The following SIK3 variants were observed in gnomAD, a reference collection of about 807,000 sequenced individuals.
SIK3 encodes SIK family kinase 3.
SIK3 carries 28 observed loss-of-function variants against 144.2 expected under a neutral mutation model. That is an observed-to-expected ratio of 0.19 (90% confidence interval 0.14 to 0.27). The LOEUF is 0.27. SIK3 is among the 10% of genes least tolerant of loss of function. SIK3 has a pLI of 1.00. For synonymous variants in SIK3, 686 were observed against 676.3 expected (o/e 1.01, Z -0.22); for missense variants, 1,319 against 1,776.0 (o/e 0.74, Z 4.62).
chr11:117,004,294 C>T (rs1370370083), intron 1 of SIK3, among the ~76,000 whole-genome samples: 1 of 152,108 alleles, frequency 6.6e-6, no homozygotes, highest in East Asian at 1.9e-4. Flanking sequence ...GTGGGCAGAT[C>T]GCTTGAGCCC....
At chr11:116,937,456 CAGT>C (rs1947979674) in intron 3 of SIK3, among the ~76,000 whole-genome samples, 1 of 152,132 alleles carries the variant, frequency 6.6e-6, no homozygotes, top group African/African-American at 2.4e-5. Flanking sequence ...TGTAAAAAAT[CAGT>C]AGATTACGGT....
intron 3 of SIK3, among the ~76,000 whole-genome samples, chr11:116,945,271 G>C (rs968154891): frequency 6.6e-6 from 1 of 151,622 alleles, no homozygotes. Flanking sequence ...GACAGTGGCT[G>C]TCGTGTTGGG....
intron 1 of SIK3, among the ~76,000 whole-genome samples, chr11:116,979,948 T>C (rs1441504265): frequency 6.6e-6 from 1 of 152,192 alleles, no homozygotes; most frequent in Non-Finnish European, 1.5e-5. Flanking sequence ...TGTTATCGTC[T>C]CATTCTCTAT....
rs1941814987 is a variant in SIK3 at position 116,844,669 on chromosome 11, CA to C, written c.*973del. The C allele has an allele frequency of 1.0e-5, 1 of 97,564 alleles. No individual in the cohort carries two copies. The highest frequency in any genetic ancestry group is 2.0e-5 in the Non-Finnish European group (1 of 50,232). The allele number at this position is 97,564 out of a possible 1,614,324, so 6.0% of individuals were successfully genotyped here. On this transcript the variant is annotated 3_prime_UTR_variant, in exon 25 of 25. Transcript: ENST00000445177. ...ATATTATATATATAATATATATATA[CA>C]CATATATTATATTATATATATACAC...
At chr11:117,083,540 G>A (rs1954878677) in intron 1 of SIK3, among the ~76,000 whole-genome samples, 1 of 152,038 alleles carries the variant, frequency 6.6e-6, no homozygotes, top group African/African-American at 2.4e-5. Flanking sequence ...AGTAAGCCAA[G>A]AACATACAAT....
chr11:116,926,814 A>G (rs578007981), intron 4 of SIK3, among the ~76,000 whole-genome samples: 4 of 152,286 alleles, frequency 2.6e-5, no homozygotes, highest in African/African-American at 7.2e-5. Context: ...TGAGGTCAGG[A>G]GTTCAAGACC....
intron 3 of SIK3, among the ~76,000 whole-genome samples, chr11:116,950,586 A>C (rs765270716): frequency 6.6e-6 from 1 of 152,186 alleles, no homozygotes; most frequent in Non-Finnish European, 1.5e-5. Flanking sequence ...TTAATTTTCT[A>C]TTGTTCTGTT....
At chr11:116,984,523 T>C (rs1041689597) in intron 1 of SIK3, among the ~76,000 whole-genome samples, 2 of 152,210 alleles carry the variant, frequency 1.3e-5, no homozygotes, top group Admixed American at 1.3e-4. Context: ...GAATTTGCTA[T>C]GAATAAACTC....
chr11:116,991,411 C>T (rs73594124), intron 1 of SIK3, among the ~76,000 whole-genome samples: 3,037 of 152,262 alleles, frequency 0.02, 108 homozygotes, highest in African/African-American at 0.069. Context: ...CATGCCACTG[C>T]GCTCCAGTAT....
intron 21 of SIK3, among the ~76,000 whole-genome samples, chr11:116,856,364 G>A (rs533983531): frequency 6.6e-6 from 1 of 152,246 alleles, no homozygotes; most frequent in Admixed American, 6.5e-5. Context: ...GCCTGTTCTG[G>A]AGAGTTCTTA....
intron 1 of SIK3, among the ~76,000 whole-genome samples, chr11:117,031,454 T>C (rs1252098858): frequency 6.6e-6 from 1 of 151,344 alleles, no homozygotes; most frequent in South Asian, 2.1e-4. Context: ...TGCTTCTGCA[T>C]CTTTATCAAA....
intron 4 of SIK3, among the ~76,000 whole-genome samples, chr11:116,926,993 C>G (rs907218679): frequency 5.4e-5 from 8 of 149,336 alleles, no homozygotes; most frequent in Admixed American, 2.0e-4. Context: ...TGCACTCCAG[C>G]CTGGGCGACA....
chr11:117,066,033 C>T lies in SIK3; in HGVS notation c.273+32110G>A, dbSNP rs139361543. 1.7e-3 allele frequency among the ~76,000 whole-genome samples: 253 copies of T among 151,680 alleles called. 2 individuals are homozygous for T. Among genetic ancestry groups the T allele is most frequent in the African/African-American group, 5.7e-3 (235 of 41,360 alleles). ...TCCTGGTGTCTTATGCCAAGGAATC[C>T]GGTCTTCACTAGAATACTTTATTTT... On this transcript the variant is annotated intron_variant, in intron 1 of 24. Coordinates refer to ENST00000445177, the MANE Select transcript of SIK3 (RefSeq NM_001366686.3).
chr11:117,051,674 G>A (rs1346454179), intron 1 of SIK3, among the ~76,000 whole-genome samples: 1 of 151,736 alleles, frequency 6.6e-6, no homozygotes, highest in African/African-American at 2.4e-5. Context: ...ATTTACAAGT[G>A]CACACCACCA....
intron 3 of SIK3, among the ~76,000 whole-genome samples, chr11:116,938,564 AGGGGAGGGGAGGGGAGGG>A (rs1565475734): frequency 3.9e-4 from 17 of 43,328 alleles, no homozygotes; most frequent in African/African-American, 5.0e-4. Context: ...AGGGGAGGGG[AGGGGAGGGGAGGGGAGGG>A]GAGGAGAGGA....
At chr11:116,884,527 T>C (rs1271523671) in intron 6 of SIK3, among the ~76,000 whole-genome samples, 2 of 150,766 alleles carry the variant, frequency 1.3e-5, no homozygotes, top group African/African-American at 4.9e-5. Flanking sequence ...GCCCAGCTAA[T>C]TTTTTGTATT....
At chr11:116,974,626 T>A (rs2135481971) in intron 1 of SIK3, among the ~76,000 whole-genome samples, 1 of 152,292 alleles carries the variant, frequency 6.6e-6, no homozygotes, top group Non-Finnish European at 1.5e-5. Flanking sequence ...CTCAAACTCC[T>A]GGCTGTAAGT....
chr11:116,856,714 G>C (rs1163332946), intron 21 of SIK3, among the ~76,000 whole-genome samples: 1 of 152,184 alleles, frequency 6.6e-6, no homozygotes, highest in African/African-American at 2.4e-5. Context: ...TCCCCCCTAA[G>C]AGCGCATAAT....
intron 1 of SIK3, among the ~76,000 whole-genome samples, chr11:117,036,697 T>G (rs1231237080): frequency 1.3e-5 from 2 of 152,268 alleles, no homozygotes; most frequent in Non-Finnish European, 2.9e-5. Context: ...TGTCACCAAA[T>G]CAAAGCCAGT....
Sources: allele counts gnomAD v4.1 joint callset (sites outside exome capture counted in the v4.1 genomes callset), GRCh38; gene constraint gnomAD v4.1.1; transcripts MANE v1.5; gene names NCBI Gene and HGNC (gene_info 2026-07-23, HGNC 2026-07-21).